CEP112: variants seen among roughly 807,000 people sequenced by gnomAD.
CEP112 encodes the protein centrosomal protein 112.
CEP112 carries 127 observed loss-of-function variants against 153.0 expected under a neutral mutation model. The ratio of observed to expected loss-of-function variants is 0.83; its 90% CI spans 0.72 to 0.96. The LOEUF is 0.96. Ranked by LOEUF, CEP112 falls within the 40% of genes least tolerant of loss-of-function variation. The probability of loss-of-function intolerance (pLI) is 0.00; values close to 1 mark genes in which losing one functional copy is unlikely to be tolerated. For missense variants in CEP112, 1,089 were observed against 1,101.2 expected (o/e 0.99, Z 0.16); for synonymous variants, 358 against 374.4 (o/e 0.96, Z 0.51).
chr17:65,719,862 G>A (rs2049766032), intron 23 of CEP112, among the ~76,000 whole-genome samples: 1 of 152,218 alleles, frequency 6.6e-6, no homozygotes. Flanking sequence ...GCGCATCTGG[G>A]CTGCATCCTC....
intron 17 of CEP112, among the ~76,000 whole-genome samples, chr17:65,976,353 C>T (rs2063033195): frequency 6.6e-6 from 1 of 152,154 alleles, no homozygotes; most frequent in Non-Finnish European, 1.5e-5. Context: ...TATTTATTGG[C>T]CTTGACTGTC....
intron 6 of CEP112, among the ~76,000 whole-genome samples, chr17:66,128,746 A>G (rs1265298152): frequency 2.6e-5 from 4 of 152,222 alleles, no homozygotes; most frequent in Non-Finnish European, 5.9e-5. Flanking sequence ...CAGAACACTT[A>G]AAAAGTTTAT....
chr17:65,885,913 T>G (rs1323615594), intron 20 of CEP112, among the ~76,000 whole-genome samples: 3 of 152,174 alleles, frequency 2.0e-5, no homozygotes, highest in African/African-American at 7.2e-5. Context: ...AATGCCACAT[T>G]TGCAAGTCCT....
intron 4 of CEP112, among the ~76,000 whole-genome samples, chr17:66,172,640 C>T (rs1402406318): frequency 6.6e-6 from 1 of 152,080 alleles, no homozygotes; most frequent in Non-Finnish European, 1.5e-5. Flanking sequence ...AAACTTTATC[C>T]TGTATTCCAA....
chr17:65,679,236 T>C (rs970941518), intron 24 of CEP112, among the ~76,000 whole-genome samples: 1 of 145,866 alleles, frequency 6.9e-6, no homozygotes, highest in Admixed American at 7.1e-5. Flanking sequence ...TTACATGTGG[T>C]TCTATCTCTC....
intron 19 of CEP112, among the ~76,000 whole-genome samples, chr17:65,909,394 C>T (rs182243773): frequency 1.3e-5 from 2 of 152,180 alleles, no homozygotes; most frequent in East Asian, 3.9e-4. Context: ...TATATTTGTC[C>T]TACAACTCAA....
intron 16 of CEP112, among the ~76,000 whole-genome samples, chr17:66,010,570 CTCAG>C (rs1598097695): frequency 6.6e-6 from 1 of 152,112 alleles, no homozygotes; most frequent in African/African-American, 2.4e-5. Flanking sequence ...CTTTTGCCCA[CTCAG>C]TATTACGTTG....
intron 4 of CEP112, among the ~76,000 whole-genome samples, chr17:66,170,410 T>C (rs550730638): frequency 6.6e-6 from 1 of 152,338 alleles, no homozygotes; most frequent in East Asian, 1.9e-4. Context: ...GTCTCCTTAG[T>C]AACATTTTCT....
intron 4 of CEP112, among the ~76,000 whole-genome samples, chr17:66,174,366 G>A (rs562368631): frequency 1.3e-5 from 2 of 152,244 alleles, no homozygotes; most frequent in South Asian, 4.1e-4. Context: ...TAGTGGACAA[G>A]AAAGATTATA....
At position 65,683,482 on chromosome 17, in the gene CEP112, A is replaced by G. The variant is rs574869875; in HGVS notation, c.2697+5647T>C. On this transcript the variant is annotated intron_variant, in intron 24 of 26. Transcript: ENST00000535342. ...ACCCAAGACAGCAAGACAAGGTAGA[A>G]GCCAGGAGCCTTCAAGAGAAGGCTG... Among the ~76,000 whole-genome samples the G allele has an allele frequency of 7.9e-5, 12 of 152,344 alleles. No homozygotes were observed. The South Asian group carries it at 2.5e-3, about 32-fold the overall frequency.
intron 1 of CEP112, among the ~76,000 whole-genome samples, chr17:66,188,058 T>C (rs1221594485): frequency 2.0e-5 from 3 of 152,064 alleles, no homozygotes; most frequent in South Asian, 2.1e-4. Flanking sequence ...CTACCACTTA[T>C]TTGAACTACT....
chr17:65,910,978 G>A (rs2060262254), intron 19 of CEP112, among the ~76,000 whole-genome samples: 1 of 152,194 alleles, frequency 6.6e-6, no homozygotes, highest in Non-Finnish European at 1.5e-5. Flanking sequence ...TAAGACCAAT[G>A]TTTGCACCAA....
At chr17:65,920,362 AATATATATATATATATATATAT>A (rs55934550) in intron 19 of CEP112, among the ~76,000 whole-genome samples, 1,426 of 42,810 alleles carry the variant, frequency 0.033, 163 homozygotes, top group South Asian at 0.19. Flanking sequence ...AAACAAACAA[AATATATATATATATATATATAT>A]ATATATATAT....
rs770232347 is a variant in CEP112, at chr17:66,005,677, C to T, written c.1736+13G>A. On this transcript the variant is annotated intron_variant, in intron 17 of 26. Coordinates refer to ENST00000535342, the MANE Select transcript of CEP112 (RefSeq NM_001199165.4). ...GGGTAGTTTTAAATCAAATGCATTA[C>T]AATTTTACTCACTTCAAAGCTTCCT... The T allele has an allele frequency of 3.1e-6, 5 of 1,601,992 alleles. No individual in the cohort carries two copies. The highest frequency in any genetic ancestry group is 3.4e-6 in the Non-Finnish European group (4 of 1,176,316).
chr17:65,647,126 A>C (rs371855818), intron 24 of CEP112, among the ~76,000 whole-genome samples: 1 of 152,156 alleles, frequency 6.6e-6, no homozygotes. Flanking sequence ...ATGACAAAAG[A>C]AAAGGAAATA....
At chr17:65,970,018 A>C (rs2062605504) in intron 17 of CEP112, among the ~76,000 whole-genome samples, 4 of 152,138 alleles carry the variant, frequency 2.6e-5, no homozygotes, top group Admixed American at 2.6e-4. Flanking sequence ...GTGTATTGCG[A>C]ACATGCACGC....
chr17:66,022,936 T>C (rs1045839340), intron 16 of CEP112, among the ~76,000 whole-genome samples: 1 of 151,976 alleles, frequency 6.6e-6, no homozygotes, highest in East Asian at 1.9e-4. Flanking sequence ...GCTTCAACAA[T>C]TGACTGGACC....
chr17:66,186,052 C>T (rs1264124032), intron 1 of CEP112, among the ~76,000 whole-genome samples: 6 of 151,834 alleles, frequency 4.0e-5, no homozygotes, highest in Non-Finnish European at 5.9e-5. Context: ...CTCTCCCCAC[C>T]CGCTCTCTCA....
intron 18 of CEP112, among the ~76,000 whole-genome samples, chr17:65,942,024 G>A (rs112698697): frequency 0.014 from 2,207 of 152,218 alleles, 21 homozygotes; most frequent in Non-Finnish European, 0.021. Flanking sequence ...GAAAGCCCAC[G>A]TATCCATAGC....
Sources: gnomAD v4.1 joint callset for allele counts (sites outside exome capture counted in the v4.1 genomes callset) on GRCh38, gnomAD v4.1.1 for gene constraint, MANE v1.5 for transcripts, NCBI Gene and HGNC (gene_info 2026-07-23, HGNC 2026-07-21) for gene names.